The following BRD2 variants were observed in gnomAD, a reference collection of about 807,000 sequenced individuals.
BRD2 encodes the protein bromodomain-containing protein 2.
A neutral mutation model predicts 79.1 loss-of-function variants in BRD2; 15 were observed. That is an observed-to-expected ratio of 0.19 (90% confidence interval 0.13 to 0.29). The LOEUF (loss-of-function observed/expected upper bound fraction) is 0.29. Among genes scored for constraint, BRD2 ranks in the 10% least tolerant of loss-of-function variants. The pLI, the probability that BRD2 is intolerant of heterozygous loss-of-function variation, is 1.00. For synonymous variants in BRD2, 488 were observed against 358.6 expected (o/e 1.36, Z -4.08); for missense variants, 1,053 against 991.3 (o/e 1.06, Z -0.84).
chr6:32,976,148 A>G lies in BRD2; in HGVS notation c.589A>G (p.Lys197Glu). 6.2e-7 allele frequency: 1 copy of G among 1,612,644 alleles called. No homozygotes were observed. The highest frequency in any genetic ancestry group is 8.5e-7 in the Non-Finnish European group (1 of 1,179,896). Residue 197 changes from lysine to glutamate, a missense_variant, in exon 5 of 13, where the codon AAG (lysine) becomes GAG (glutamate). Lys to Glu is a moderately conservative substitution (Grantham distance 56, BLOSUM62 1). This residue lies in a region of BRD2 where 413 missense variants were observed against 335.1 expected (regional missense o/e 1.23). Transcript: ENST00000374825. ...LVVTIPKNSH[K>E]KGAKLAALQG... ...AGTGACCATCCCTAAGAACAGCCAC[A>G]AGAAGGGGGCCAAGTTGGCAGGTAG...
Position 32,971,832 on chromosome 6 carries a change from GCT to G in BRD2, c.-1064_-1063del, listed in dbSNP as rs1352914091. 1 of 681,770 alleles carries G rather than the reference GCT, an allele frequency of 1.5e-6. No individual in the cohort carries two copies. The highest frequency in any genetic ancestry group is 1.5e-5 in the South Asian group (1 of 64,544). 42.2% of individuals were successfully genotyped at this position (681,770 alleles called of 1,614,324 possible). A position where few individuals can be genotyped will look rare whatever the true frequency, so the allele number is the denominator to read the frequency against. On this transcript the variant is annotated 5_prime_UTR_variant, in exon 2 of 13. The change creates a premature stop within an existing upstream ORF in the 5' untranslated region. Coordinates refer to ENST00000374825, the MANE Select transcript of BRD2 (RefSeq NM_005104.4). ...GGGAGGCGGGGAGAGAGTGCTGGAG[GCT>G]CTGGGGCGATGGCTTCCGCACCTCT...
In BRD2 at chr6:32,975,307, T is replaced by TGTGA. The variant is rs1554143975; in HGVS notation, c.334-75_334-72dup. 8.4e-3 allele frequency: 9,611 copies of TGTGA among 1,150,272 alleles called. 72 individuals carry two copies. The highest frequency in any genetic ancestry group is 0.049 in the African/African-American group (3,045 of 62,554). The allele number at this position is 1,150,272 out of a possible 1,614,324, so 71.3% of individuals were successfully genotyped here. A position where few individuals can be genotyped will look rare whatever the true frequency, so the allele number is the denominator to read the frequency against. On this transcript the variant is annotated intron_variant, in intron 3 of 12. Transcript: ENST00000374825. The stretch of plus-strand genomic sequence containing the variant: ...GGGGGTGTGTGTGTGTGTGTGTGTG[T>TGTGA]GTGAGAGTCGGGGATCGGTAGTCTC...
At chr6:32,973,994 C>T (rs1341603777) in intron 2 of BRD2, among the ~76,000 whole-genome samples, 1 of 152,076 alleles carries the variant, frequency 6.6e-6, no homozygotes, top group Non-Finnish European at 1.5e-5. Flanking sequence ...TGTGTCTTAT[C>T]AGCATTTTAT....
chr6:32,977,662 T>C, intron 8 of BRD2, 92 bp downstream of exon 8: 1 of 1,602,886 alleles, frequency 6.2e-7, no homozygotes, highest in Non-Finnish European at 8.5e-7. Flanking sequence ...GGTCTCACTG[T>C]TCTGTACAGT....
rs190465055 is a variant in BRD2 at position 32,973,190 on chromosome 6, C to G, written c.29+263C>G. On this transcript the variant is annotated intron_variant, in intron 2 of 12. Coordinates refer to ENST00000374825, the MANE Select transcript of BRD2 (RefSeq NM_005104.4). ...CCAGTCTTAACCGAGTCAGGCAGAG[C>G]TAGTTTGACGGTGGAGTGGAGTGAG... is the stretch of plus-strand genomic sequence containing the variant. The G allele has an allele frequency of 8.5e-6, 13 of 1,524,906 alleles. No homozygotes were observed. In the South Asian group the frequency reaches 1.5e-4, roughly 17 times the overall value. 94.5% of individuals were successfully genotyped at this position (1,524,906 alleles called of 1,614,324 possible).
At position 32,971,575 on chromosome 6, in the gene BRD2, C is replaced by T. The variant is rs527359243; in HGVS notation, c.-1304-20C>T. The T allele has an allele frequency of 6.6e-6, 3 of 456,744 alleles. No individual in the cohort carries two copies. The highest frequency in any genetic ancestry group is 4.1e-5 in the African/African-American group (2 of 49,012). 28.3% of individuals were successfully genotyped at this position (456,744 alleles called of 1,614,324 possible). On this transcript the variant is annotated intron_variant, in intron 1 of 12. Transcript: ENST00000374825. ...GAGCAGGCCGCGGCTTCTAAGATGGCGTCTTTTTCCTCGTTTCAGATTCTT... is the reference window on the plus strand; with the variant it reads ...GAGCAGGCCGCGGCTTCTAAGATGGTGTCTTTTTCCTCGTTTCAGATTCTT...
chr6:32,978,082 T>G, intron 9 of BRD2, 44 bp from the exon 10 acceptor site: 1 of 1,589,430 alleles, frequency 6.3e-7, no homozygotes, highest in Non-Finnish European at 8.5e-7. Flanking sequence ...TCTTGTTATT[T>G]TATCTTTATT....
chr6:32,975,277 A>C, intron 3 of BRD2, 107 bp from the exon 4 acceptor site: 2 of 1,066,132 alleles, frequency 1.9e-6, no homozygotes, highest in Non-Finnish European at 2.7e-6. Flanking sequence ...CCTTTGATGC[A>C]TAGGGGGGGT....
In BRD2 at chr6:32,980,325, TA is replaced by T. The variant is rs1405372758; in HGVS notation, c.2147-14del. Reference sequence around the variant, plus strand: ...TTGGGGCAATCTTAATGTATCCTGATAAATTTCTTTCATTAGCCATTAAGAA... The same window carrying T: ...TTGGGGCAATCTTAATGTATCCTGATAATTTCTTTCATTAGCCATTAAGAA... On this transcript the variant is annotated splice_polypyrimidine_tract_variant and intron_variant, in intron 11 of 12. Transcript: ENST00000374825. 2 of 1,612,318 alleles carry T rather than the reference TA, an allele frequency of 1.2e-6. No individual in the cohort carries two copies. The highest frequency in any genetic ancestry group is 1.7e-6 in the Non-Finnish European group (2 of 1,179,876).
At chr6:32,980,232 G>C in intron 11 of BRD2, 100 bp downstream of exon 11, 2 of 1,575,282 alleles carry the variant, frequency 1.3e-6, no homozygotes, top group Non-Finnish European at 1.7e-6. Flanking sequence ...AGGATAATGG[G>C]ATGTGTTGGT....
Position 32,980,323 on chromosome 6 carries a change from G to A in BRD2, c.2147-19G>A. 3.7e-6 allele frequency: 6 copies of A among 1,612,268 alleles called. No individual in the cohort carries two copies. Among genetic ancestry groups the A allele is most frequent in the South Asian group, 2.2e-5 (2 of 91,002 alleles). ...GCTTGGGGCAATCTTAATGTATCCT[G>A]ATAAATTTCTTTCATTAGCCATTAA... is the stretch of plus-strand genomic sequence containing the variant. On this transcript the variant is annotated intron_variant, in intron 11 of 12. Coordinates refer to ENST00000374825, the MANE Select transcript of BRD2 (RefSeq NM_005104.4).
chr6:32,976,983 C>G (rs942651721), intron 7 of BRD2, 47 bp downstream of exon 7: 3 of 1,555,410 alleles, frequency 1.9e-6, no homozygotes, highest in Middle Eastern at 1.7e-4. Context: ...GTGATGGGAG[C>G]CTAGGTGCAA....
At position 32,980,666 on chromosome 6, in the gene BRD2, C is replaced by T. The variant is rs780590511; in HGVS notation, c.2354C>T (p.Ser785Phe). The change falls in exon 13 of 13, where the codon TCC becomes TTC. Residue 785 changes from serine (S) to phenylalanine (F), a missense_variant. Ser to Phe is a radical substitution (Grantham distance 155). Around this residue, in one of 5 missense-constraint regions of BRD2, gnomAD observed 139 missense variants for 133.2 expected, o/e 1.04. Transcript: ENST00000374825. ...SASSSSSDSS[S>F]SSSSSSSSDT... is the part of the protein sequence containing the mutation. ...TCCAGCTCCAGCTCAGATTCCAGCT[C>T]CTCCTCTTCCTCGTCGTCGTCTTCA... 1 of 1,613,146 alleles carries T rather than the reference C, an allele frequency of 6.2e-7. No individual in the cohort carries two copies. Among genetic ancestry groups the T allele is most frequent in the Non-Finnish European group, 8.5e-7 (1 of 1,180,038 alleles).
chr6:32,977,091 A>G, intron 7 of BRD2, 155 bp downstream of exon 7: 1 of 1,269,800 alleles, frequency 7.9e-7, no homozygotes, highest in Non-Finnish European at 1.1e-6. Context: ...GTGTTTTGAG[A>G]ATTTGTATTT....
At chr6:32,979,780 G>A in intron 10 of BRD2, 48 bp from the exon 11 acceptor site, 1 of 1,573,708 alleles carries the variant, frequency 6.4e-7, no homozygotes, top group Non-Finnish European at 8.6e-7. Context: ...GAACATACTG[G>A]AAGAGGTTAA....
At chr6:32,969,933 G>A (rs574132984) in intron 1 of BRD2, among the ~76,000 whole-genome samples, 47 of 152,270 alleles carry the variant, frequency 3.1e-4, no homozygotes, top group Admixed American at 2.6e-3. Context: ...GCGGGGGAGG[G>A]AACGGAAAGG....
At chr6:32,978,454 C>G (rs773652441) in intron 10 of BRD2, 66 bp downstream of exon 10, 173 of 1,560,368 alleles carry the variant, frequency 1.1e-4, no homozygotes, top group Non-Finnish European at 1.3e-4. Flanking sequence ...TGCCATCTCT[C>G]TTTGCAAAGA....
At chr6:32,974,819 A>AAT in intron 3 of BRD2, 54 bp downstream of exon 3, 1 of 1,581,400 alleles carries the variant, frequency 6.3e-7, no homozygotes, top group Non-Finnish European at 8.6e-7. Flanking sequence ...AATGCGTGTG[A>AAT]ATGGGGGTGG....
At chr6:32,977,325 C>T in intron 7 of BRD2, 117 bp from the exon 8 acceptor site, 1 of 1,605,202 alleles carries the variant, frequency 6.2e-7, no homozygotes, top group South Asian at 1.1e-5. Flanking sequence ...GGGCACAGAT[C>T]CTTAAGGTCA....
Sources: allele counts gnomAD v4.1 joint callset (sites outside exome capture counted in the v4.1 genomes callset), GRCh38; gene constraint gnomAD v4.1.1; regional missense constraint gnomAD v4.1.1; transcripts MANE v1.5; gene names NCBI Gene and HGNC (gene_info 2026-07-23, HGNC 2026-07-21).